Variants in PIK3R2 observed in about 807,000 individuals in gnomAD.
The protein encoded by PIK3R2 is phosphoinositide-3-kinase regulatory subunit 2.
Under a neutral mutation model 78.5 loss-of-function variants are expected in PIK3R2, and 40 were observed. The ratio of observed to expected loss-of-function variants is 0.51; its 90% CI spans 0.40 to 0.66. PIK3R2 has a LOEUF of 0.66. Among genes scored for constraint, PIK3R2 ranks in the 30% least tolerant of loss-of-function variants. The pLI is 0.00. For synonymous variants in PIK3R2, 473 were observed against 457.7 expected (o/e 1.03, Z -0.43); for missense variants, 880 against 1,026.6 (o/e 0.86, Z 1.95).
chr19:18,164,332 C>T (rs1005131316), intron 11 of PIK3R2, among the ~76,000 whole-genome samples: 1 of 151,918 alleles, frequency 6.6e-6, no homozygotes, highest in Admixed American at 6.6e-5. Context: ...ATGTCCCCTT[C>T]AACCAAGATG....
rs745782897 is a variant in PIK3R2, at chr19:18,167,340, C to G, written c.1736+34C>G. ...CGGCTCCATACTTCCCTGCGGCTCC[C>G]TGGCGACTGCTGCGGCACATGGAGA... On this transcript the variant is annotated intron_variant, in intron 13 of 15. Transcript: ENST00000222254. The surrounding 1 kb of genome is among the most constrained non-coding windows in gnomAD (Gnocchi z 4.5). The G allele has an allele frequency of 3.3e-6, 5 of 1,502,968 alleles. No homozygotes were observed. Among genetic ancestry groups the G allele is most frequent in the Admixed American group, 2.1e-5 (1 of 48,016 alleles). 93.1% of individuals were successfully genotyped at this position (1,502,968 alleles called of 1,614,324 possible).
Position 18,167,359 on chromosome 19 carries a change from A to G in PIK3R2, c.1736+53A>G. 6.9e-7 allele frequency: 1 copy of G among 1,445,264 alleles called. No individual in the cohort carries two copies. Among genetic ancestry groups the G allele is most frequent in the Non-Finnish European group, 9.4e-7 (1 of 1,068,782 alleles). The allele number at this position is 1,445,264 out of a possible 1,614,324, so 89.5% of individuals were successfully genotyped here. A position where few individuals can be genotyped will look rare whatever the true frequency, so the allele number is the denominator to read the frequency against. On this transcript the variant is annotated intron_variant, in intron 13 of 15. Transcript: ENST00000222254. This position sits in a 1 kb window ranked among gnomAD's most constrained non-coding sequence, Gnocchi z 4.5. ...GGCTCCCTGGCGACTGCTGCGGCAC[A>G]TGGAGATCTCTCTAGGAGTCTCAGT...
Position 18,156,233 on chromosome 19 carries a change from G to A in PIK3R2, c.322+32G>A, listed in dbSNP as rs2147945527. On this transcript the variant is annotated intron_variant, in intron 2 of 15. Coordinates refer to ENST00000222254, the MANE Select transcript of PIK3R2 (RefSeq NM_005027.4). This position sits in a 1 kb window ranked among gnomAD's most constrained non-coding sequence, Gnocchi z 4.2. The stretch of plus-strand genomic sequence containing the variant: ...AGCAAGCAGGGGCCCTGGAAAGGGG[G>A]GTGGTCCCCTCAGACCCTTGGTCTC... 1 of 1,439,552 alleles carries A rather than the reference G, an allele frequency of 6.9e-7. No homozygotes were observed. The highest frequency in any genetic ancestry group is 9.2e-7 in the Non-Finnish European group (1 of 1,092,478). The allele number at this position is 1,439,552 out of a possible 1,614,324, so 89.2% of individuals were successfully genotyped here. A position where few individuals can be genotyped will look rare whatever the true frequency, so the allele number is the denominator to read the frequency against.
Position 18,164,447 on chromosome 19 carries a change from GC to G in PIK3R2, c.1416+1061del, listed in dbSNP as rs1259526320. Among the ~76,000 whole-genome samples, 20 of 152,284 alleles carry G rather than the reference GC, an allele frequency of 1.3e-4. No homozygotes were observed. In the South Asian group the frequency reaches 3.3e-3, roughly 25 times the overall value. ...GCTTGAGCCCAGGAGTTCAAGACTA[GC>G]CTGGGTAACATAGCAAGACTTTGTC... On this transcript the variant is annotated intron_variant, in intron 11 of 15. Transcript: ENST00000222254.
In PIK3R2 at chr19:18,169,362, A is replaced by C. The variant is rs2043846078; in HGVS notation, c.*68A>C. 1 of 958,888 alleles carries C rather than the reference A, an allele frequency of 1.0e-6. No homozygotes were observed. The allele number at this position is 958,888 out of a possible 1,614,324, so 59.4% of individuals were successfully genotyped here. On this transcript the variant is annotated 3_prime_UTR_variant, in exon 16 of 16. Coordinates refer to ENST00000222254, the MANE Select transcript of PIK3R2 (RefSeq NM_005027.4). ...CTGCGCCGGAGGCTGCGGCGGCGGG[A>C]GCCACGGACCAGACCAGCCACATCC...
intron 1 of PIK3R2, among the ~76,000 whole-genome samples, chr19:18,153,764 C>T (rs1568632013): frequency 6.6e-6 from 1 of 152,202 alleles, no homozygotes; most frequent in Non-Finnish European, 1.5e-5. Context: ...CCTGCCTGCC[C>T]CGCCCCTCCC....
In PIK3R2 at chr19:18,169,315, G is replaced by T; in HGVS notation, c.*21G>T. On this transcript the variant is annotated 3_prime_UTR_variant, in exon 16 of 16. Transcript: ENST00000222254. ...GCTGAGCACCGAGGACCCGCCCCAAGCAGAGCCGCCCCTGGGCCCGTCTGC... is the reference window on the plus strand; with the variant it reads ...GCTGAGCACCGAGGACCCGCCCCAATCAGAGCCGCCCCTGGGCCCGTCTGC... 7.2e-7 allele frequency: 1 copy of T among 1,385,842 alleles called. No homozygotes were observed. Among genetic ancestry groups the T allele is most frequent in the Non-Finnish European group, 9.3e-7 (1 of 1,074,200 alleles). The allele number at this position is 1,385,842 out of a possible 1,614,324, so 85.8% of individuals were successfully genotyped here.
chr19:18,162,787 G>T, intron 9 of PIK3R2, 180 bp from the exon 10 acceptor site: 2 of 622,658 alleles, frequency 3.2e-6, no homozygotes. Context: ...CTACTCGGGA[G>T]GCTGAGGCAG....
Position 18,163,021 on chromosome 19 carries a change from C to A in PIK3R2, c.1164C>A (p.Gly388=), listed in dbSNP as rs2147952966. 6.2e-7 allele frequency: 1 copy of A among 1,613,986 alleles called. No individual in the cohort carries two copies. Among genetic ancestry groups the A allele is most frequent in the Non-Finnish European group, 8.5e-7 (1 of 1,179,998 alleles). Residue 388 remains glycine, a synonymous_variant, in exon 10 of 16, where the codon GGC becomes GGA. Coordinates refer to ENST00000222254, the MANE Select transcript of PIK3R2 (RefSeq NM_005027.4). ...IKVFHRDGHY[G]FSEPLTFCSV... is the part of the protein sequence containing the mutation. ...TCTTCCACCGAGATGGGCACTATGG[C>A]TTCTCAGAGCCACTCACCTTCTGCT...
At position 18,169,075 on chromosome 19, in the gene PIK3R2, C is replaced by T. The variant is rs777908539; in HGVS notation, c.1980-12C>T. The T allele has an allele frequency of 2.5e-6, 4 of 1,607,124 alleles. No homozygotes were observed. The South Asian group carries it at 3.3e-5, about 13-fold the overall frequency. Reference sequence around the variant, plus strand: ...CCAGCCTTCCGACTCCCCCTCTCGTCTGCCCCCACAGAGTGGACGGCGACA... The same window carrying T: ...CCAGCCTTCCGACTCCCCCTCTCGTTTGCCCCCACAGAGTGGACGGCGACA... On this transcript the variant is annotated splice_polypyrimidine_tract_variant and intron_variant, in intron 15 of 15. Coordinates refer to ENST00000222254, the MANE Select transcript of PIK3R2 (RefSeq NM_005027.4).
chr19:18,167,029 G>A lies in PIK3R2; in HGVS notation c.1560-101G>A, dbSNP rs1048914480. 44 of 949,714 alleles carry A rather than the reference G, an allele frequency of 4.6e-5. No individual in the cohort carries two copies. The highest frequency in any genetic ancestry group is 9.7e-5 in the South Asian group (5 of 51,376). 58.8% of individuals were successfully genotyped at this position (949,714 alleles called of 1,614,324 possible). Reference sequence around the variant, plus strand: ...TGCACACCTGTGGTCCCAGCTACTCGGGAGGCTGAGGTAGGAGGGTCACCT... The same window carrying A: ...TGCACACCTGTGGTCCCAGCTACTCAGGAGGCTGAGGTAGGAGGGTCACCT... On this transcript the variant is annotated intron_variant, in intron 12 of 15. Transcript: ENST00000222254. This position sits in a 1 kb window ranked among gnomAD's most constrained non-coding sequence, Gnocchi z 4.5.
At position 18,161,722 on chromosome 19, in the gene PIK3R2, C is replaced by T. The variant is rs1228788182; in HGVS notation, c.815+227C>T. Among the ~76,000 whole-genome samples the T allele has an allele frequency of 6.6e-6, 1 of 152,184 alleles. No individual in the cohort carries two copies. Among genetic ancestry groups the T allele is most frequent in the Non-Finnish European group, 1.5e-5 (1 of 68,020 alleles). ...CATGTGGGTGGTGCCTGCACCTTCC[C>T]TTCTGCTCGTCGCAGCTCCGGTACT... On this transcript the variant is annotated intron_variant, in intron 6 of 15. Transcript: ENST00000222254. This position sits in a 1 kb window ranked among gnomAD's most constrained non-coding sequence, Gnocchi z 5.3.
Position 18,161,957 on chromosome 19 carries a change from C to A in PIK3R2, c.816-9C>A, listed in dbSNP as rs376292255. The A allele has an allele frequency of 1.1e-5, 18 of 1,612,880 alleles. No homozygotes were observed. The highest frequency in any genetic ancestry group is 1.7e-5 in the Admixed American group (1 of 60,008). On this transcript the variant is annotated splice_polypyrimidine_tract_variant and intron_variant, in intron 6 of 15. Coordinates refer to ENST00000222254, the MANE Select transcript of PIK3R2 (RefSeq NM_005027.4). The surrounding 1 kb of genome is among the most constrained non-coding windows in gnomAD (Gnocchi z 5.3). The stretch of plus-strand genomic sequence containing the variant: ...ACCCAGCCCTCACCACACTCCCCTT[C>A]CCCCTAAGGAGTGAGCCCAGCCCTG...
rs2043743418 is a variant in PIK3R2 at position 18,161,375 on chromosome 19, T to TGGCCCGCCGCGC, written c.699_700insCGCCGCGCGGCC (p.Ala233_Ser234insArgArgAlaAla). The TGGCCCGCCGCGC allele has an allele frequency of 7.9e-7, 1 of 1,260,334 alleles. No individual in the cohort carries two copies. Among genetic ancestry groups the TGGCCCGCCGCGC allele is most frequent in the African/African-American group, 1.6e-5 (1 of 63,466 alleles). The allele number at this position is 1,260,334 out of a possible 1,614,324, so 78.1% of individuals were successfully genotyped here. On this transcript the variant is annotated inframe_insertion, in exon 6 of 16. Transcript: ENST00000222254. The surrounding 1 kb of genome is among the most constrained non-coding windows in gnomAD (Gnocchi z 5.3). ...TTCCTGCTCCAGCACCTGGGCCGCG[T>TGGCCCGCCGCGC]GGCCAGCCGCGCCCCGGCCCTGGGT...
chr19:18,158,490 C>CAAAA (rs34121357), intron 2 of PIK3R2, among the ~76,000 whole-genome samples: 189 of 139,732 alleles, frequency 1.4e-3, no homozygotes, highest in African/African-American at 3.7e-3. Flanking sequence ...GACTCCATCT[C>CAAAA]AAAAAAACAA....
rs1395169711 is a variant in PIK3R2, at chr19:18,162,391, G to T, written c.1011-17G>T. The T allele has an allele frequency of 2.5e-6, 4 of 1,612,516 alleles. No homozygotes were observed. Among genetic ancestry groups the T allele is most frequent in the Non-Finnish European group, 2.5e-6 (3 of 1,179,104 alleles). ...CTCCAGGTGGCTCGGCAGTCCCAAT[G>T]TTGGATGTTCCCACAGGGAGGAGGT... On this transcript the variant is annotated splice_polypyrimidine_tract_variant and intron_variant, in intron 8 of 15. Transcript: ENST00000222254.
chr19:18,166,332 C>G (rs1324804914), intron 12 of PIK3R2, 30 bp downstream of exon 12: 1 of 1,596,192 alleles, frequency 6.3e-7, no homozygotes, highest in Non-Finnish European at 8.6e-7. Context: ...CCTGCCCCAC[C>G]CCACCCTGAT....
intron 1 of PIK3R2, among the ~76,000 whole-genome samples, chr19:18,154,614 C>T (rs1318721514): frequency 6.6e-6 from 1 of 152,178 alleles, no homozygotes; most frequent in Non-Finnish European, 1.5e-5. Flanking sequence ...TCCATTGCGT[C>T]CTCCCTGCCC....
intron 7 of PIK3R2, 32 bp downstream of exon 7, chr19:18,162,083 C>T (rs1419824651): frequency 3.8e-6 from 6 of 1,593,580 alleles, no homozygotes; most frequent in Admixed American, 3.3e-5. Context: ...CATTTCTTCC[C>T]GTTGGGGGCC....
Sources: allele counts gnomAD v4.1 joint callset (sites outside exome capture counted in the v4.1 genomes callset), GRCh38; gene constraint gnomAD v4.1.1; non-coding constraint Gnocchi (gnomAD v3.1); transcripts MANE v1.5; gene names NCBI Gene and HGNC (gene_info 2026-07-23, HGNC 2026-07-21).